PRKAG2: variants seen among roughly 807,000 people sequenced by gnomAD.
PRKAG2 encodes the protein 5'-AMP-activated protein kinase subunit gamma-2.
In PRKAG2, 26 loss-of-function variants were observed where a neutral mutation model predicts 69.6. The ratio of observed to expected loss-of-function variants is 0.37; its 90% CI spans 0.27 to 0.52. The LOEUF (loss-of-function observed/expected upper bound fraction) is 0.52. Among genes scored for constraint, PRKAG2 ranks in the 20% least tolerant of loss-of-function variants. The pLI is 0.90. For missense variants in PRKAG2, 557 were observed against 740.0 expected, an observed-to-expected ratio of 0.75 and a Z score of 2.87; for synonymous variants, 293 against 285.0, an observed-to-expected ratio of 1.03 and a Z score of -0.28.
chr7:151,649,718 G>C (rs1052087505), intron 4 of PRKAG2, among the ~76,000 whole-genome samples: 11 of 152,100 alleles, frequency 7.2e-5, no homozygotes, highest in Admixed American at 6.6e-5. Flanking sequence ...TCTTGCTCCT[G>C]CTCCCGCCAC....
At chr7:151,852,525 C>A (rs1249070456) in intron 1 of PRKAG2, among the ~76,000 whole-genome samples, 1 of 152,026 alleles carries the variant, frequency 6.6e-6, no homozygotes, top group Non-Finnish European at 1.5e-5. Flanking sequence ...ACGAGGGCAG[C>A]AGCCTCATGT....
intron 1 of PRKAG2, among the ~76,000 whole-genome samples, chr7:151,846,392 C>T (rs910658133): frequency 1.3e-5 from 2 of 152,110 alleles, no homozygotes; most frequent in Admixed American, 6.5e-5. Flanking sequence ...CACTTGAAAC[C>T]GGTAGGCAGA....
rs766628002 is a variant in PRKAG2, at chr7:151,675,674, C to T, written c.467-37G>A. ...ACACCAAGGACGGTCAGAGGTCCGG[C>T]TTCCAGGAAGGGACGTCGGGGGTGG... is the stretch of plus-strand genomic sequence containing the variant. On this transcript the variant is annotated intron_variant, in intron 3 of 15. Transcript: ENST00000287878. 5 of 1,571,800 alleles carry T rather than the reference C, an allele frequency of 3.2e-6. No homozygotes were observed. In the East Asian group the frequency reaches 9.0e-5, roughly 28 times the overall value.
At chr7:151,605,935 T>TAA (rs1817441773) in intron 5 of PRKAG2, among the ~76,000 whole-genome samples, 1 of 65,044 alleles carries the variant, frequency 1.5e-5, no homozygotes, top group African/African-American at 7.8e-5. Context: ...AGACTCCGTC[T>TAA]CAAAAAAAAA....
At chr7:151,627,763 G>C (rs1486439055) in intron 5 of PRKAG2, among the ~76,000 whole-genome samples, 5 of 152,148 alleles carry the variant, frequency 3.3e-5, no homozygotes, top group African/African-American at 1.2e-4. Context: ...CATGCGCTCG[G>C]GTGATCCTCC....
intron 15 of PRKAG2, chr7:151,557,504 T>C: frequency 1.0e-6 from 1 of 984,644 alleles, no homozygotes; most frequent in Non-Finnish European, 1.2e-6. Context: ...AAAATTTTAC[T>C]AAGAAATATG....
chr7:151,618,720 G>C (rs761469759), intron 5 of PRKAG2, among the ~76,000 whole-genome samples: 1 of 151,808 alleles, frequency 6.6e-6, no homozygotes. Flanking sequence ...AGCTGAGATC[G>C]CACCATTGCA....
intron 3 of PRKAG2, among the ~76,000 whole-genome samples, chr7:151,764,127 T>C (rs899052832): frequency 3.3e-5 from 5 of 152,104 alleles, no homozygotes; most frequent in South Asian, 2.1e-4. Flanking sequence ...GGGGGTGAGG[T>C]TGGCCCTGAT....
At chr7:151,772,992 A>T (rs544375305) in intron 3 of PRKAG2, among the ~76,000 whole-genome samples, 747 of 13,812 alleles carry the variant, frequency 0.054, 19 homozygotes, top group African/African-American at 0.17. Context: ...AATGAAAGAA[A>T]GAAAGAAAGA....
At chr7:151,618,178 C>A (rs748791736) in intron 5 of PRKAG2, among the ~76,000 whole-genome samples, 3 of 152,050 alleles carry the variant, frequency 2.0e-5, no homozygotes, top group Non-Finnish European at 2.9e-5. Flanking sequence ...TAAGGTCGGG[C>A]GTGGTGGCTC....
intron 6 of PRKAG2, among the ~76,000 whole-genome samples, chr7:151,582,157 T>C (rs1417628951): frequency 6.6e-6 from 1 of 152,120 alleles, no homozygotes; most frequent in Non-Finnish European, 1.5e-5. Flanking sequence ...GATGTATGTA[T>C]GTACGTATGA....
chr7:151,650,019 TG>T (rs1338574886), intron 4 of PRKAG2, among the ~76,000 whole-genome samples: 1 of 152,158 alleles, frequency 6.6e-6, no homozygotes, highest in African/African-American at 2.4e-5. Context: ...CAAAGCGTAA[TG>T]ACTACTTGGT....
chr7:151,578,528 C>T (rs559264769), intron 6 of PRKAG2, among the ~76,000 whole-genome samples: 1 of 152,316 alleles, frequency 6.6e-6, no homozygotes, highest in South Asian at 2.1e-4. Context: ...AGTTCACCTA[C>T]ACAAGAATAT....
At chr7:151,724,752 G>A (rs1051337860) in intron 3 of PRKAG2, among the ~76,000 whole-genome samples, 1 of 147,898 alleles carries the variant, frequency 6.8e-6, no homozygotes, top group Non-Finnish European at 1.5e-5. Flanking sequence ...GGCTCTCCGC[G>A]CCACGCTCCC....
At chr7:151,786,173 T>C (rs1259005836) in intron 2 of PRKAG2, among the ~76,000 whole-genome samples, 1 of 152,188 alleles carries the variant, frequency 6.6e-6, no homozygotes, top group East Asian at 1.9e-4. Context: ...ACTGCTCATC[T>C]TCCTCCACTG....
At chr7:151,563,678 CA>C (rs1805587713) in intron 14 of PRKAG2, among the ~76,000 whole-genome samples, 3 of 152,240 alleles carry the variant, frequency 2.0e-5, no homozygotes, top group Non-Finnish European at 4.4e-5. Flanking sequence ...CTCTTGGATT[CA>C]AGGGATCCTC....
intron 4 of PRKAG2, among the ~76,000 whole-genome samples, chr7:151,667,989 T>A (rs570707545): frequency 2.0e-5 from 3 of 152,264 alleles, no homozygotes; most frequent in Admixed American, 6.5e-5. Context: ...TCAGCTATGG[T>A]TTGGATGTGG....
rs532074497 is a variant in PRKAG2 at position 151,656,913 on chromosome 7, G to C, written c.684+18507C>G. 5.9e-5 allele frequency among the ~76,000 whole-genome samples: 9 copies of C among 152,114 alleles called. No homozygotes were observed. In the East Asian group the frequency reaches 1.7e-3, roughly 30 times the overall value. ...GCACTTTGGGAGGCCGAAGCAGGTG[G>C]ATCACTTGAGGTCAGGAGTTCGAGA... On this transcript the variant is annotated intron_variant, in intron 4 of 15. Transcript: ENST00000287878.
At chr7:151,774,277 C>T (rs1397651797) in intron 3 of PRKAG2, among the ~76,000 whole-genome samples, 1 of 152,086 alleles carries the variant, frequency 6.6e-6, no homozygotes, top group East Asian at 1.9e-4. Context: ...TAAGATCCTT[C>T]CAGAAGAAAG....
Sources: allele counts gnomAD v4.1 joint callset (sites outside exome capture counted in the v4.1 genomes callset), GRCh38; gene constraint gnomAD v4.1.1; transcripts MANE v1.5; gene names NCBI Gene and HGNC (gene_info 2026-07-23, HGNC 2026-07-21).